M1AP: variants seen among roughly 807,000 people sequenced by gnomAD.
M1AP encodes meiosis 1 arrest protein.
In M1AP, 39 loss-of-function variants were observed where a neutral mutation model predicts 51.2. The observed-to-expected ratio is 0.76, with a 90% CI of 0.59 to 1.00. The LOEUF (loss-of-function observed/expected upper bound fraction) is 1.00, where lower values mean the gene tolerates loss of function less well. M1AP is among the 50% of genes least tolerant of loss of function. The pLI is 0.00. For synonymous variants in M1AP, 251 were observed against 249.2 expected (o/e 1.01, Z -0.07); for missense variants, 545 against 641.2 (o/e 0.85, Z 1.62).
rs1678657028 is a variant in M1AP at position 74,570,288 on chromosome 2, T to A, written c.1074+5150A>T. Reference sequence around the variant, plus strand: ...GGATTTTCCTGGACAACACAAATTATATTTTACTACAACATATTAGAAAAC... The same window carrying A: ...GGATTTTCCTGGACAACACAAATTAAATTTTACTACAACATATTAGAAAAC... On this transcript the variant is annotated intron_variant, in intron 7 of 10. Coordinates refer to ENST00000421985, the MANE Select transcript of M1AP (RefSeq NM_001321739.2). Among the ~76,000 whole-genome samples, 4 of 152,254 alleles carry A rather than the reference T, an allele frequency of 2.6e-5. No individual in the cohort carries two copies. In the South Asian group the frequency reaches 8.3e-4, roughly 32 times the overall value.
At chr2:74,594,666 G>C (rs1456935062) in intron 4 of M1AP, among the ~76,000 whole-genome samples, 1 of 152,094 alleles carries the variant, frequency 6.6e-6, no homozygotes, top group African/African-American at 2.4e-5. Flanking sequence ...CTGAGCCCAG[G>C]AGTTTGAGAC....
chr2:74,638,762 A>G (rs1051579773), intron 2 of M1AP, among the ~76,000 whole-genome samples: 3 of 152,176 alleles, frequency 2.0e-5, no homozygotes, highest in Non-Finnish European at 4.4e-5. Flanking sequence ...TCTTGGCTAC[A>G]ATCTCATGAG....
chr2:74,576,678 A>G (rs1679095936), intron 5 of M1AP, 60 bp from the exon 6 acceptor site: 1 of 1,574,046 alleles, frequency 6.4e-7, no homozygotes. Context: ...ATTGTGGGTA[A>G]TAAGTTACCT....
Position 74,560,286 on chromosome 2 carries a change from C to A in M1AP, c.1287G>T (p.Met429Ile). The change falls in exon 9 of 11, where the codon ATG (methionine) becomes ATT (isoleucine). Residue 429 changes from methionine (M) to isoleucine (I), a missense_variant. Coordinates refer to ENST00000421985, the MANE Select transcript of M1AP (RefSeq NM_001321739.2). ...TGGGCTCCAGCTCCAGGCTGTCCAG[C>A]ATGCTCTGAGGAAAAGAGAGGAGGG... The part of the protein sequence containing the change: ...HDDSLKNVES[M>I]LDSLELEPTY... 13 of 1,598,466 alleles carry A rather than the reference C, an allele frequency of 8.1e-6. No homozygotes were observed. Among genetic ancestry groups the A allele is most frequent in the Non-Finnish European group, 1.1e-5 (13 of 1,173,490 alleles).
chr2:74,595,161 G>A (rs1270563378), intron 4 of M1AP, among the ~76,000 whole-genome samples: 2 of 151,934 alleles, frequency 1.3e-5, no homozygotes, highest in Admixed American at 6.6e-5. Context: ...GACTACAGGT[G>A]TGCACCACCA....
intron 2 of M1AP, among the ~76,000 whole-genome samples, chr2:74,625,333 A>G (rs1194171924): frequency 6.6e-6 from 1 of 152,156 alleles, no homozygotes; most frequent in Non-Finnish European, 1.5e-5. Flanking sequence ...ACATGATATG[A>G]GAAGCAAATA....
At chr2:74,577,170 GA>G (rs1427276158) in intron 5 of M1AP, among the ~76,000 whole-genome samples, 1 of 152,170 alleles carries the variant, frequency 6.6e-6, no homozygotes, top group African/African-American at 2.4e-5. Context: ...AGAGTGGGGG[GA>G]AAGGAATAAG....
intron 1 of M1AP, among the ~76,000 whole-genome samples, chr2:74,646,659 T>C (rs1481365913): frequency 6.6e-6 from 1 of 152,212 alleles, no homozygotes; most frequent in African/African-American, 2.4e-5. Context: ...AGTTTTACTA[T>C]GAGAGTTTTT....
intron 2 of M1AP, among the ~76,000 whole-genome samples, chr2:74,632,225 G>A (rs988154569): frequency 2.0e-5 from 3 of 152,184 alleles, no homozygotes; most frequent in African/African-American, 4.8e-5. Context: ...CAGACCTCAT[G>A]GGGAAAAAGC....
intron 1 of M1AP, 81 bp downstream of exon 1, chr2:74,648,184 G>C (rs1029686406): frequency 2.1e-6 from 2 of 958,868 alleles, no homozygotes; most frequent in Non-Finnish European, 2.5e-6. Context: ...GCCCGAGCTC[G>C]GCCCACGCCC....
Position 74,647,229 on chromosome 2 carries a change from C to T in M1AP, c.-53+1036G>A, listed in dbSNP as rs115242109. 5.5e-4 allele frequency: 541 copies of T among 985,358 alleles called. 2 individuals carry two copies. In the African/African-American group the frequency reaches 8.8e-3, roughly 16 times the overall value. The allele number at this position is 985,358 out of a possible 1,614,324, so 61.0% of individuals were successfully genotyped here. ...TGCTTGTGCCTTCTGCCCAACTCTCCATCCTCACACTAGGCCCTCCCCTGC... is the reference window on the plus strand; with the variant it reads ...TGCTTGTGCCTTCTGCCCAACTCTCTATCCTCACACTAGGCCCTCCCCTGC... On this transcript the variant is annotated intron_variant, in intron 1 of 10. Coordinates refer to ENST00000421985, the MANE Select transcript of M1AP (RefSeq NM_001321739.2).
intron 4 of M1AP, among the ~76,000 whole-genome samples, chr2:74,602,723 T>A (rs1680743069): frequency 6.6e-6 from 1 of 152,112 alleles, no homozygotes; most frequent in Admixed American, 6.6e-5. Flanking sequence ...CTAGGAAGAT[T>A]TTGAGCAATG....
intron 4 of M1AP, among the ~76,000 whole-genome samples, chr2:74,587,002 C>CA (rs1190251502): frequency 0.055 from 5,307 of 95,958 alleles, 314 homozygotes; most frequent in African/African-American, 0.18. Flanking sequence ...AACTCCATTT[C>CA]AAAAAAAAAA....
chr2:74,562,415 T>C lies in M1AP; in HGVS notation c.1083A>G (p.Glu361=). 3.1e-6 allele frequency: 5 copies of C among 1,614,208 alleles called. No homozygotes were observed. The highest frequency in any genetic ancestry group is 4.2e-6 in the Non-Finnish European group (5 of 1,180,026). ...HALCHSLLKR[E]WLLLAKGEPP... is the part of the protein sequence containing the mutation. ...GTTCCCCCTTGGCTAACAGCAGCCA[T>C]TCCCTTTTCTGAAACAAGGACATAC... Residue 361 remains glutamate (E), a synonymous_variant, in exon 8 of 11, where the codon GAA becomes GAG. Transcript: ENST00000421985.
At position 74,558,856 on chromosome 2, in the gene M1AP, T is replaced by TGGTCTGCAACTGCCC; in HGVS notation, c.1438_1452dup (p.Gly480_Thr484dup). The TGGTCTGCAACTGCCC allele has an allele frequency of 2.5e-6, 4 of 1,600,480 alleles. No individual in the cohort carries two copies. The highest frequency in any genetic ancestry group is 3.4e-6 in the Non-Finnish European group (4 of 1,174,958). On this transcript the variant is annotated inframe_insertion, in exon 11 of 11. Transcript: ENST00000421985. ...GGGGCCACAGTAGCTCGAGCTCGGT[T>TGGTCTGCAACTGCCC]GGTCTGCAACTGCCCAGTCTGCAAA... is the stretch of plus-strand genomic sequence containing the variant.
chr2:74,562,502 C>A, intron 7 of M1AP, 79 bp from the exon 8 acceptor site: 1 of 1,521,570 alleles, frequency 6.6e-7, no homozygotes, highest in Non-Finnish European at 9.0e-7. Context: ...ATTGAAGTTT[C>A]CCTGACTTCC....
At chr2:74,612,418 C>T (rs899907861) in intron 3 of M1AP, among the ~76,000 whole-genome samples, 2 of 152,034 alleles carry the variant, frequency 1.3e-5, no homozygotes, top group Non-Finnish European at 2.9e-5. Flanking sequence ...TGGGATCTCA[C>T]TATGTTACCA....
intron 4 of M1AP, among the ~76,000 whole-genome samples, chr2:74,602,736 T>G (rs544772701): frequency 4.5e-4 from 68 of 152,228 alleles, no homozygotes; most frequent in Admixed American, 9.2e-4. Context: ...GAGCAATGAG[T>G]CATATACACT....
intron 4 of M1AP, among the ~76,000 whole-genome samples, chr2:74,585,514 C>G (rs1007352992): frequency 1.8e-4 from 28 of 152,312 alleles, no homozygotes; most frequent in African/African-American, 6.7e-4. Context: ...TCCTGGCAGC[C>G]AGCCAGGCAG....
Sources: allele counts gnomAD v4.1 joint callset (sites outside exome capture counted in the v4.1 genomes callset), GRCh38; gene constraint gnomAD v4.1.1; transcripts MANE v1.5; gene names NCBI Gene and HGNC (gene_info 2026-07-23, HGNC 2026-07-21).